Variants in GPR37 observed in about 807,000 individuals in gnomAD.
GPR37 encodes the protein G protein-coupled receptor 37, also known as prosaposin receptor GPR37.
In GPR37, 20 loss-of-function variants were observed where a neutral mutation model predicts 43.6. The ratio of observed to expected loss-of-function variants is 0.46; its 90% CI spans 0.32 to 0.67. GPR37 has a LOEUF of 0.67. Ranked by LOEUF, GPR37 falls within the 30% of genes least tolerant of loss-of-function variation. GPR37 has a pLI of 0.03. For synonymous variants in GPR37, 315 were observed against 322.6 expected (o/e 0.98, Z 0.25); for missense variants, 724 against 797.2 (o/e 0.91, Z 1.11).
chr7:124,747,306 G>A lies in GPR37; in HGVS notation c.1061C>T (p.Ala354Val), dbSNP rs781780398. 6.2e-7 allele frequency: 1 copy of A among 1,613,396 alleles called. No homozygotes were observed. Among genetic ancestry groups the A allele is most frequent in the South Asian group, 1.1e-5 (1 of 90,978 alleles). Residue 354 changes from alanine (A) to valine (V), a missense_variant, in exon 2 of 2, where the codon GCT becomes GTT. Ala to Val is a moderately conservative substitution (Grantham distance 64). This residue lies in a region of GPR37 where 342 missense variants were observed against 441.8 expected (regional missense o/e 0.77). Transcript: ENST00000303921. ...SLGVTTFTLC[A>V]LCIDRFRAAT... is the part of the protein sequence containing the mutation. The stretch of plus-strand genomic sequence containing the variant: ...AGCACGGAAGCGGTCTATGCACAGA[G>A]CACATAAGGTGAAAGTGGTGACTCC...
At chr7:124,754,956 G>A (rs1793775953) in intron 1 of GPR37, among the ~76,000 whole-genome samples, 1 of 152,082 alleles carries the variant, frequency 6.6e-6, no homozygotes, top group African/African-American at 2.4e-5. Flanking sequence ...ACAAGTGGGG[G>A]AACAAGTTTA....
chr7:124,756,394 A>G (rs1394501103), intron 1 of GPR37, among the ~76,000 whole-genome samples: 2 of 152,186 alleles, frequency 1.3e-5, no homozygotes, highest in Non-Finnish European at 2.9e-5. Context: ...ACTATTACAA[A>G]TTCACAAATG....
In GPR37 at chr7:124,744,687, A is replaced by G. The variant is rs1043752863; in HGVS notation, c.*1838T>C. ...CACCTAACAAGCCCCAGCTTATATC[A>G]TAGTTGTCTATGTATTTATTTTATT... On this transcript the variant is annotated 3_prime_UTR_variant, in exon 2 of 2. Transcript: ENST00000303921. 4 of 152,186 alleles carry G rather than the reference A, an allele frequency of 2.6e-5. No individual in the cohort carries two copies. The highest frequency in any genetic ancestry group is 5.9e-5 in the Non-Finnish European group (4 of 68,062). 9.4% of individuals were successfully genotyped at this position (152,186 alleles called of 1,614,324 possible).
In GPR37 at chr7:124,764,960, G is replaced by T. The variant is rs1199100400; in HGVS notation, c.17C>A (p.Ala6Glu). 8.0e-6 allele frequency: 12 copies of T among 1,491,476 alleles called. No individual in the cohort carries two copies. Among genetic ancestry groups the T allele is most frequent in the Non-Finnish European group, 9.8e-6 (11 of 1,124,156 alleles). The allele number at this position is 1,491,476 out of a possible 1,614,324, so 92.4% of individuals were successfully genotyped here. ...TAGCCGCGACATGCGGGCGAGAAGC[G>T]CGCCCGGGGCTCGCATGGCTTGGTG... MRAPG[A>E]LLARMSRLLL... Residue 6 changes from alanine to glutamate, a missense_variant, in exon 1 of 2, where the codon GCG becomes GAG. Coordinates refer to ENST00000303921, the MANE Select transcript of GPR37 (RefSeq NM_005302.5). The surrounding 1 kb of genome is among the most constrained non-coding windows in gnomAD (Gnocchi z 5.4).
chr7:124,762,504 G>C (rs948367476), intron 1 of GPR37, among the ~76,000 whole-genome samples: 13 of 149,832 alleles, frequency 8.7e-5, no homozygotes, highest in Non-Finnish European at 1.9e-4. Flanking sequence ...AAGAAAAAAA[G>C]AAATTTGAAA....
chr7:124,744,343 A>G lies in GPR37; in HGVS notation c.*2182T>C, dbSNP rs1434024468. On this transcript the variant is annotated 3_prime_UTR_variant, in exon 2 of 2. Coordinates refer to ENST00000303921, the MANE Select transcript of GPR37 (RefSeq NM_005302.5). The stretch of plus-strand genomic sequence containing the variant: ...TTTCCTGAAGCACCACCATGTAAAC[A>G]TCTTTCAAAACATGGTCCTATTATT... 6.6e-6 allele frequency: 1 copy of G among 152,156 alleles called. No homozygotes were observed. Among genetic ancestry groups the G allele is most frequent in the Non-Finnish European group, 1.5e-5 (1 of 68,022 alleles). The allele number at this position is 152,156 out of a possible 1,614,324, so 9.4% of individuals were successfully genotyped here.
chr7:124,747,855 C>G (rs1387088214), intron 1 of GPR37, among the ~76,000 whole-genome samples: 2 of 152,054 alleles, frequency 1.3e-5, no homozygotes, highest in Admixed American at 1.3e-4. Flanking sequence ...GAGGGCTCCT[C>G]CAATTTTTCC....
chr7:124,765,051 T>C lies in GPR37; in HGVS notation c.-75A>G. 7.4e-7 allele frequency: 1 copy of C among 1,357,120 alleles called. No homozygotes were observed. Among genetic ancestry groups the C allele is most frequent in the Non-Finnish European group, 9.7e-7 (1 of 1,034,366 alleles). The allele number at this position is 1,357,120 out of a possible 1,614,324, so 84.1% of individuals were successfully genotyped here. A position where few individuals can be genotyped will look rare whatever the true frequency, so the allele number is the denominator to read the frequency against. On this transcript the variant is annotated 5_prime_UTR_variant, in exon 1 of 2. Transcript: ENST00000303921. ...CGACACCTGCTGCCGAAGTTGCTGCTGAGAGTTAGGCACATGTCACATACT... is the reference window on the plus strand; with the variant it reads ...CGACACCTGCTGCCGAAGTTGCTGCCGAGAGTTAGGCACATGTCACATACT...
In GPR37 at chr7:124,763,862, A is replaced by C. The variant is rs1793879110; in HGVS notation, c.1023+92T>G. On this transcript the variant is annotated intron_variant, in intron 1 of 1. Coordinates refer to ENST00000303921, the MANE Select transcript of GPR37 (RefSeq NM_005302.5). The stretch of plus-strand genomic sequence containing the variant: ...CCCCAGATAAAAAGGAAAGGCGTTC[A>C]GCTAGATAGGTGCATCCAGCAGCAG... 8 of 1,091,948 alleles carry C rather than the reference A, an allele frequency of 7.3e-6. No homozygotes were observed. In the South Asian group the frequency reaches 1.2e-4, roughly 16 times the overall value. The allele number at this position is 1,091,948 out of a possible 1,614,324, so 67.6% of individuals were successfully genotyped here. A position where few individuals can be genotyped will look rare whatever the true frequency, so the allele number is the denominator to read the frequency against.
In GPR37 at chr7:124,764,284, C is replaced by G. The variant is rs1458487970; in HGVS notation, c.693G>C (p.Glu231Asp). The G allele has an allele frequency of 6.2e-7, 1 of 1,601,230 alleles. No homozygotes were observed. Among genetic ancestry groups the G allele is most frequent in the East Asian group, 2.2e-5 (1 of 44,748 alleles). Residue 231 changes from glutamate (E) to aspartate (D), a missense_variant, in exon 1 of 2, where the codon GAG becomes GAC. By Grantham distance (45) the Glu-to-Asp change is conservative. Coordinates refer to ENST00000303921, the MANE Select transcript of GPR37 (RefSeq NM_005302.5). This position sits in a 1 kb window ranked among gnomAD's most constrained non-coding sequence, Gnocchi z 5.4. ...TGTTTCCCCGGCGGGGACCCCCAGGCTCATGGATTCCTTCACCCAAGGATC... is the reference window on the plus strand; with the variant it reads ...TGTTTCCCCGGCGGGGACCCCCAGGGTCATGGATTCCTTCACCCAAGGATC... ...QNGSLGEGIH[E>D]PGGPRRGNST...
At chr7:124,753,065 A>G (rs1793750318) in intron 1 of GPR37, among the ~76,000 whole-genome samples, 1 of 152,106 alleles carries the variant, frequency 6.6e-6, no homozygotes, top group South Asian at 2.1e-4. Flanking sequence ...AAATCATTAA[A>G]TAAATCATTT....
At position 124,765,082 on chromosome 7, in the gene GPR37, C is replaced by A; in HGVS notation, c.-106G>T. On this transcript the variant is annotated 5_prime_UTR_variant, in exon 1 of 2. Transcript: ENST00000303921. ...TTAGGCACATGTCACATACTCACCCCCGCCCGGGTAGCGGGGAACCGGAGA... is the reference window on the plus strand; with the variant it reads ...TTAGGCACATGTCACATACTCACCCACGCCCGGGTAGCGGGGAACCGGAGA... The A allele has an allele frequency of 2.8e-6, 3 of 1,082,288 alleles. No individual in the cohort carries two copies. Among genetic ancestry groups the A allele is most frequent in the Non-Finnish European group, 3.7e-6 (3 of 800,966 alleles). 67.0% of individuals were successfully genotyped at this position (1,082,288 alleles called of 1,614,324 possible). A position where few individuals can be genotyped will look rare whatever the true frequency, so the allele number is the denominator to read the frequency against.
chr7:124,751,332 C>A (rs1470630517), intron 1 of GPR37, among the ~76,000 whole-genome samples: 1 of 152,026 alleles, frequency 6.6e-6, no homozygotes, highest in Admixed American at 6.5e-5. Context: ...TACTTCAGAT[C>A]TTTTTTCTGT....
intron 1 of GPR37, among the ~76,000 whole-genome samples, chr7:124,754,867 T>A (rs1406601161): frequency 6.6e-6 from 1 of 152,126 alleles, no homozygotes; most frequent in Non-Finnish European, 1.5e-5. Flanking sequence ...CTTCTATGCC[T>A]TTGGCTTCTT....
intron 1 of GPR37, among the ~76,000 whole-genome samples, chr7:124,748,014 C>T (rs757191636): frequency 1.3e-5 from 2 of 152,100 alleles, no homozygotes; most frequent in Admixed American, 6.6e-5. Context: ...GCGTGTTTGC[C>T]CTAGGGGCAC....
intron 1 of GPR37, among the ~76,000 whole-genome samples, chr7:124,757,578 C>G (rs1045412917): frequency 5.3e-5 from 8 of 152,136 alleles, no homozygotes; most frequent in African/African-American, 9.7e-5. Context: ...AAGAATGTAA[C>G]TGAAAAGAAT....
intron 1 of GPR37, among the ~76,000 whole-genome samples, chr7:124,759,660 A>G (rs1793830628): frequency 6.6e-6 from 1 of 152,128 alleles, no homozygotes; most frequent in South Asian, 2.1e-4. Flanking sequence ...CGACTTTATG[A>G]GATTTATTAT....
At chr7:124,756,944 C>T (rs182445858) in intron 1 of GPR37, among the ~76,000 whole-genome samples, 2 of 152,266 alleles carry the variant, frequency 1.3e-5, no homozygotes, top group East Asian at 3.9e-4. Flanking sequence ...CTTATAAGCT[C>T]ATATCTGTTT....
intron 1 of GPR37, among the ~76,000 whole-genome samples, chr7:124,762,845 C>T (rs140288887): frequency 6.6e-6 from 1 of 152,314 alleles, no homozygotes; most frequent in Non-Finnish European, 1.5e-5. Context: ...GTGTCACAGG[C>T]CCTGGTGCCA....
Sources: gnomAD v4.1 joint callset for allele counts (sites outside exome capture counted in the v4.1 genomes callset) on GRCh38, gnomAD v4.1.1 for gene constraint, gnomAD v4.1.1 regional missense constraint, Gnocchi (gnomAD v3.1) non-coding constraint, MANE v1.5 for transcripts, NCBI Gene and HGNC (gene_info 2026-07-23, HGNC 2026-07-21) for gene names.